Variants in NTAN1 observed in about 807,000 individuals in gnomAD.
NTAN1 encodes the protein protein N-terminal asparagine amidohydrolase.
A neutral mutation model predicts 41.9 loss-of-function variants in NTAN1; 32 were observed. The ratio of observed to expected loss-of-function variants is 0.76; its 90% CI spans 0.58 to 1.03. The LOEUF is 1.03. Among genes scored for constraint, NTAN1 ranks in the 50% least tolerant of loss-of-function variants. The pLI, the probability that NTAN1 is intolerant of heterozygous loss-of-function variation, is 0.00. For synonymous variants in NTAN1, 140 were observed against 139.5 expected (o/e 1.00, Z -0.03); for missense variants, 377 against 377.5 (o/e 1.00, Z 0.01).
At chr16:15,042,716 A>ATTT (rs2043870863) in intron 5 of NTAN1, among the ~76,000 whole-genome samples, 2 of 145,834 alleles carry the variant, frequency 1.4e-5, no homozygotes, top group Non-Finnish European at 3.0e-5. Flanking sequence ...TCAAAGGATG[A>ATTT]ACTATTTATT....
chr16:15,038,354 A>AGTTG lies in NTAN1; in HGVS notation c.754-145_754-144insCAAC. 6.2e-6 allele frequency: 4 copies of AGTTG among 645,026 alleles called. No homozygotes were observed. The South Asian group carries it at 8.8e-5, about 14-fold the overall frequency. The allele number at this position is 645,026 out of a possible 1,614,324, so 40.0% of individuals were successfully genotyped here. On this transcript the variant is annotated intron_variant, in intron 9 of 9. Coordinates refer to ENST00000287706, the MANE Select transcript of NTAN1 (RefSeq NM_173474.4). ...ATGAGGTGGCCTGAATTAGTAAGAAAAAAGTTGATTGCTTACTGCTTTACC... is the reference window on the plus strand; with the variant it reads ...ATGAGGTGGCCTGAATTAGTAAGAAAGTTGAAAGTTGATTGCTTACTGCTTTACC...
intron 1 of NTAN1, among the ~76,000 whole-genome samples, chr16:15,050,440 A>T (rs1479778869): frequency 6.6e-6 from 1 of 152,114 alleles, no homozygotes; most frequent in East Asian, 1.9e-4. Flanking sequence ...CACTTAATAA[A>T]ACATAAGAGC....
At chr16:15,038,363 T>C (rs1343497022) in intron 9 of NTAN1, 153 bp from the exon 10 acceptor site, 21 of 540,502 alleles carry the variant, frequency 3.9e-5, no homozygotes, top group South Asian at 2.5e-4. Context: ...AAAAAGTTGA[T>C]TGCTTACTGC....
At chr16:15,055,814 C>A in intron 1 of NTAN1, 77 bp downstream of exon 1, 1 of 779,612 alleles carries the variant, frequency 1.3e-6, no homozygotes, top group South Asian at 6.4e-5. Flanking sequence ...AAGTCTGTGT[C>A]GCGTGAGGGG....
At chr16:15,052,431 G>T (rs1398177919) in intron 1 of NTAN1, among the ~76,000 whole-genome samples, 3 of 152,150 alleles carry the variant, frequency 2.0e-5, no homozygotes, top group African/African-American at 7.2e-5. Context: ...CTGTGACCTG[G>T]GGGATGATCA....
chr16:15,046,800 A>G (rs6498541), intron 4 of NTAN1, among the ~76,000 whole-genome samples: 45,792 of 150,296 alleles, frequency 0.3, 7,445 homozygotes, highest in Admixed American at 0.45. Flanking sequence ...ACCTGAGTCC[A>G]CAAAGTCAAG....
chr16:15,049,888 TA>T (rs1284988862), intron 1 of NTAN1, among the ~76,000 whole-genome samples: 1 of 152,190 alleles, frequency 6.6e-6, no homozygotes, highest in Non-Finnish European at 1.5e-5. Flanking sequence ...TACAAAAGTA[TA>T]AAAAATGTTT....
In NTAN1 at chr16:15,053,274, C is replaced by G. The variant is rs933178331; in HGVS notation, c.81+2617G>C. ...GCCTGGGGCCAGTTTCCCAGCCTCT[C>G]TGTGCCCCACAGTCCTCATCTGTAA... is the stretch of plus-strand genomic sequence containing the variant. On this transcript the variant is annotated intron_variant, in intron 1 of 9. Coordinates refer to ENST00000287706, the MANE Select transcript of NTAN1 (RefSeq NM_173474.4). Among the ~76,000 whole-genome samples the G allele has an allele frequency of 7.2e-5, 11 of 152,330 alleles. No individual in the cohort carries two copies. The East Asian group carries it at 9.6e-4, about 13-fold the overall frequency.
chr16:15,055,721 G>C, intron 1 of NTAN1, 170 bp downstream of exon 1: 2 of 385,184 alleles, frequency 5.2e-6, no homozygotes, highest in Non-Finnish European at 9.1e-6. Context: ...GAAGTCTAAA[G>C]AAGGCAAAAA....
chr16:15,048,436 T>C (rs2044167734), intron 1 of NTAN1, among the ~76,000 whole-genome samples: 1 of 152,172 alleles, frequency 6.6e-6, no homozygotes. Flanking sequence ...CCCAGGCTGG[T>C]CTTGAACTCC....
chr16:15,041,325 G>A (rs1410459045), intron 6 of NTAN1, among the ~76,000 whole-genome samples: 1 of 152,036 alleles, frequency 6.6e-6, no homozygotes, highest in Non-Finnish European at 1.5e-5. Context: ...CTGCAGAATC[G>A]GTCCCCACTC....
Position 15,038,013 on chromosome 16 carries a change from T to C in NTAN1, c.*18A>G, listed in dbSNP as rs1309625587. The C allele has an allele frequency of 2.1e-5, 34 of 1,600,742 alleles. No homozygotes were observed. Among genetic ancestry groups the C allele is most frequent in the Non-Finnish European group, 2.7e-5 (32 of 1,171,658 alleles). ...TCTGTCAGGCCAAGAAGGTGCTTTC[T>C]TTGGTAATTCATGTTTTTTAACTTC... On this transcript the variant is annotated 3_prime_UTR_variant, in exon 10 of 10. Transcript: ENST00000287706.
chr16:15,053,888 G>A (rs1433889295), intron 1 of NTAN1, among the ~76,000 whole-genome samples: 1 of 152,148 alleles, frequency 6.6e-6, no homozygotes, highest in African/African-American at 2.4e-5. Context: ...ATCCAGCCTG[G>A]GCCACAGAAC....
intron 1 of NTAN1, among the ~76,000 whole-genome samples, chr16:15,050,956 CAGTG>C (rs2044269192): frequency 6.6e-6 from 1 of 152,212 alleles, no homozygotes. Flanking sequence ...CTCCAGAAGT[CAGTG>C]AGAAACAGGT....
At chr16:15,047,735 GA>G in intron 3 of NTAN1, 119 bp downstream of exon 3, 3 of 982,800 alleles carry the variant, frequency 3.1e-6, no homozygotes, top group South Asian at 1.3e-5. Context: ...ATGCAGACCA[GA>G]AAAAAGGTAA....
At chr16:15,046,942 G>T (rs551233002) in intron 4 of NTAN1, among the ~76,000 whole-genome samples, 1 of 152,094 alleles carries the variant, frequency 6.6e-6, no homozygotes, top group East Asian at 1.9e-4. Flanking sequence ...CATCTTCCTG[G>T]CCTCGTTTTC....
In NTAN1 at chr16:15,039,994, G is replaced by T; in HGVS notation, c.614C>A (p.Ala205Asp). 6.2e-7 allele frequency: 1 copy of T among 1,608,488 alleles called. No homozygotes were observed. Among genetic ancestry groups the T allele is most frequent in the Non-Finnish European group, 8.5e-7 (1 of 1,175,308 alleles). ...TGGTCCTCCTGCTAAAGTTCGCGCA[G>T]CACGAAGCTGCTCCTCCGGACCCCG... Reference protein sequence around the residue: ...QDRGPEEQLRAARTLAGGPMI... With the variant: ...QDRGPEEQLRDARTLAGGPMI... The change falls in exon 8 of 10, where the codon GCT (alanine) becomes GAT (aspartate). Residue 205 changes from alanine to aspartate, a missense_variant. Physicochemically the swap from Ala to Asp is moderately radical, Grantham distance 126. Coordinates refer to ENST00000287706, the MANE Select transcript of NTAN1 (RefSeq NM_173474.4).
chr16:15,038,406 C>T, intron 9 of NTAN1, 168 bp downstream of exon 9: 1 of 623,696 alleles, frequency 1.6e-6, no homozygotes, highest in Non-Finnish European at 2.8e-6. Context: ...TAGGACTTGA[C>T]ATATCCCCAT....
At chr16:15,038,354 A>AAAAGTTC (rs1567751094) in intron 9 of NTAN1, 144 bp from the exon 10 acceptor site, 1 of 642,948 alleles carries the variant, frequency 1.6e-6, no homozygotes. Flanking sequence ...TTAGTAAGAA[A>AAAAGTTC]AAAGTTGATT....
Sources: allele counts gnomAD v4.1 joint callset (sites outside exome capture counted in the v4.1 genomes callset), GRCh38; gene constraint gnomAD v4.1.1; transcripts MANE v1.5; gene names NCBI Gene and HGNC (gene_info 2026-07-23, HGNC 2026-07-21).